The following LCOR variants were observed in gnomAD, a reference collection of about 807,000 sequenced individuals.
LCOR encodes ligand dependent nuclear receptor corepressor, also known as ligand-dependent corepressor.
LCOR carries 14 observed loss-of-function variants against 64.4 expected under a neutral mutation model. The ratio of observed to expected loss-of-function variants is 0.22; its 90% CI spans 0.14 to 0.34. The LOEUF (loss-of-function observed/expected upper bound fraction) is 0.34, where lower values mean the gene tolerates loss of function less well. Among genes scored for constraint, LCOR ranks in the 10% least tolerant of loss-of-function variants. The pLI is 1.00. For synonymous variants in LCOR, 643 were observed against 642.5 expected, an observed-to-expected ratio of 1.00 and a Z score of -0.01; for missense variants, 1,686 against 1,765.3, an observed-to-expected ratio of 0.96 and a Z score of 0.80.
chr10:96,915,910 G>A (rs1564624447), intron 4 of LCOR: 2 of 409,542 alleles, frequency 4.9e-6, no homozygotes, highest in African/African-American at 2.1e-5. Context: ...CATATTGGCA[G>A]CGACGGCGGC....
intron 4 of LCOR, among the ~76,000 whole-genome samples, chr10:96,941,084 G>C (rs1389835885): frequency 3.8e-5 from 3 of 78,288 alleles, no homozygotes; most frequent in Non-Finnish European, 4.9e-5. Context: ...CCTCCCTCCC[G>C]GACGGGGCGG....
chr10:96,883,615 C>G (rs1208597112), intron 2 of LCOR, among the ~76,000 whole-genome samples: 1 of 152,176 alleles, frequency 6.6e-6, no homozygotes, highest in African/African-American at 2.4e-5. Flanking sequence ...GTTGAACTTT[C>G]ATATGCTTAC....
At chr10:96,863,810 AT>A (rs1326636454) in intron 2 of LCOR, among the ~76,000 whole-genome samples, 1 of 152,132 alleles carries the variant, frequency 6.6e-6, no homozygotes, top group East Asian at 1.9e-4. Flanking sequence ...TTTTGGTTTG[AT>A]TTAGTATGTT....
chr10:96,894,873 A>G (rs1846511017), intron 2 of LCOR, among the ~76,000 whole-genome samples: 1 of 152,218 alleles, frequency 6.6e-6, no homozygotes, highest in African/African-American at 2.4e-5. Flanking sequence ...ACAGTGCCAT[A>G]TATAATAGTT....
intron 2 of LCOR, among the ~76,000 whole-genome samples, chr10:96,859,583 A>G (rs1845855729): frequency 6.6e-6 from 1 of 151,120 alleles, no homozygotes; most frequent in South Asian, 2.1e-4. Context: ...TTTGAGACCG[A>G]GTCTCGCTCT....
intron 4 of LCOR, among the ~76,000 whole-genome samples, chr10:96,933,728 C>T (rs1847302496): frequency 2.6e-5 from 4 of 152,140 alleles, no homozygotes; most frequent in Admixed American, 2.6e-4. Flanking sequence ...CCGTGTTGAT[C>T]AGGCTGGTTT....
At chr10:96,854,209 A>G (rs1845766661) in intron 2 of LCOR, among the ~76,000 whole-genome samples, 1 of 152,242 alleles carries the variant, frequency 6.6e-6, no homozygotes, top group South Asian at 2.1e-4. Flanking sequence ...TACTGGCTAA[A>G]TCACATAATT....
chr10:96,858,400 A>G (rs1442565455), intron 2 of LCOR, among the ~76,000 whole-genome samples: 1 of 152,196 alleles, frequency 6.6e-6, no homozygotes, highest in African/African-American at 2.4e-5. Flanking sequence ...CAGGCAGAAA[A>G]AGAAGACCTT....
At chr10:96,843,518 C>T (rs1845576850) in intron 2 of LCOR, among the ~76,000 whole-genome samples, 1 of 151,822 alleles carries the variant, frequency 6.6e-6, no homozygotes, top group Non-Finnish European at 1.5e-5. Flanking sequence ...ACCTTTTTTT[C>T]GATTCAGTAT....
chr10:96,833,643 C>T (rs1176530745), intron 2 of LCOR, among the ~76,000 whole-genome samples, 164 bp downstream of exon 2: 1 of 152,222 alleles, frequency 6.6e-6, no homozygotes, highest in Admixed American at 6.5e-5. Flanking sequence ...TCCCCCACGC[C>T]CAGTCCTCGG....
At chr10:96,837,233 G>T (rs1056544221) in intron 2 of LCOR, among the ~76,000 whole-genome samples, 1 of 151,906 alleles carries the variant, frequency 6.6e-6, no homozygotes, top group South Asian at 2.1e-4. Flanking sequence ...CTCGTGATCT[G>T]CCCGCCTTGG....
chr10:96,874,133 T>C lies in LCOR; in HGVS notation c.-329-33132T>C, dbSNP rs558186167. On this transcript the variant is annotated intron_variant, in intron 2 of 7. Transcript: ENST00000421806. ...TTTATTGTTAAGCATATATATCGCG[T>C]GCTATAAAACTCTATTAGATATTTT... Among the ~76,000 whole-genome samples the C allele has an allele frequency of 1.1e-4, 17 of 152,366 alleles. 1 individual carries two copies. In the South Asian group the frequency reaches 3.5e-3, roughly 32 times the overall value.
chr10:96,948,417 ACT>A (rs1399780878), intron 5 of LCOR, among the ~76,000 whole-genome samples: 3 of 152,148 alleles, frequency 2.0e-5, no homozygotes, highest in Non-Finnish European at 4.4e-5. Flanking sequence ...TGAATCAGAA[ACT>A]CTGGGGAGAG....
chr10:96,942,153 T>C (rs371746396), intron 4 of LCOR, among the ~76,000 whole-genome samples: 9,149 of 142,602 alleles, frequency 0.064, 174 homozygotes, highest in East Asian at 0.17. Flanking sequence ...CTGGGCACCA[T>C]TGAGCACTGA....
At chr10:96,863,296 T>C (rs536805746) in intron 2 of LCOR, among the ~76,000 whole-genome samples, 22 of 150,498 alleles carry the variant, frequency 1.5e-4, no homozygotes, top group Admixed American at 1.2e-3. Context: ...CTCCGCCTCC[T>C]TGTTTCAAGT....
rs1006205915 is a variant in LCOR, at chr10:96,984,954, G to C, written c.4494G>C (p.Lys1498Asn). 1.3e-5 allele frequency: 21 copies of C among 1,614,066 alleles called. No individual in the cohort carries two copies. Among genetic ancestry groups the C allele is most frequent in the Non-Finnish European group, 1.8e-5 (21 of 1,180,044 alleles). Residue 1498 changes from lysine to asparagine, a missense_variant, in exon 8 of 8, where the codon AAG (lysine) becomes AAC (asparagine). Around this residue, in one of 3 missense-constraint regions of LCOR, gnomAD observed 1,293 missense variants for 1,410.4 expected, o/e 0.92. Coordinates refer to ENST00000421806, the MANE Select transcript of LCOR (RefSeq NM_001346516.2). ...SETLTKPAKQ[K>N]GAGESSSRPQ... Reference sequence around the variant, plus strand: ...CACTGACGAAACCTGCAAAACAGAAGGGGGCCGGTGAATCCTCTTCAAGGC... The same window carrying C: ...CACTGACGAAACCTGCAAAACAGAACGGGGCCGGTGAATCCTCTTCAAGGC...
intron 1 of LCOR, chr10:96,833,049 C>CG: frequency 4.1e-6 from 4 of 986,252 alleles, no homozygotes; most frequent in Non-Finnish European, 2.4e-6. Context: ...GTCATGGCCG[C>CG]GGGGGGCAGC....
chr10:96,939,834 G>T (rs757407027), intron 4 of LCOR, among the ~76,000 whole-genome samples: 3 of 152,160 alleles, frequency 2.0e-5, no homozygotes, highest in African/African-American at 7.2e-5. Context: ...CTGATGGCAC[G>T]CGCCTGTAGT....
At position 96,983,580 on chromosome 10, in the gene LCOR, C is replaced by T; in HGVS notation, c.3120C>T (p.Thr1040=). The T allele has an allele frequency of 1.9e-6, 3 of 1,614,132 alleles. No individual in the cohort carries two copies. The South Asian group carries it at 3.3e-5, about 18-fold the overall frequency. ...VPRPKRLTSS[T]YNLRHAHSLG... ...GGCCTAAAAGATTGACCTCTTCAAC[C>T]TACAACCTAAGACACGCTCATTCTC... The change falls in exon 8 of 8, where the codon ACC becomes ACT. Residue 1040 remains threonine, a synonymous_variant. Transcript: ENST00000421806. This position sits in a 1 kb window ranked among gnomAD's most constrained non-coding sequence, Gnocchi z 4.5.
Sources: gnomAD v4.1 joint callset for allele counts (sites outside exome capture counted in the v4.1 genomes callset) on GRCh38, gnomAD v4.1.1 for gene constraint, gnomAD v4.1.1 regional missense constraint, Gnocchi (gnomAD v3.1) non-coding constraint, MANE v1.5 for transcripts, NCBI Gene and HGNC (gene_info 2026-07-23, HGNC 2026-07-21) for gene names.